LRP1B: variants seen among roughly 807,000 people sequenced by gnomAD.
LRP1B encodes the protein low-density lipoprotein receptor-related protein 1B.
LRP1B carries 217 observed loss-of-function variants against 556.6 expected under a neutral mutation model. That is an observed-to-expected ratio of 0.39 (90% CI 0.35 to 0.44). LRP1B has a LOEUF of 0.44. LRP1B is among the 20% of genes least tolerant of loss of function. The probability of loss-of-function intolerance (pLI) is 1.00; values close to 1 mark genes in which losing one functional copy is unlikely to be tolerated. For missense variants in LRP1B, 5,053 were observed against 5,620.8 expected, an observed-to-expected ratio of 0.90 and a Z score of 3.23; for synonymous variants, 2,047 against 1,865.8, an observed-to-expected ratio of 1.10 and a Z score of -2.50.
At position 141,294,087 on chromosome 2, in the gene LRP1B, G is replaced by GA. The variant is rs556017278; in HGVS notation, c.344-39447dup. Reference sequence around the variant, plus strand: ...TATGTTATATTTAGAAGTATACAGGGAAAAAAGAGACTAAACAGGTAAAGA... The same window carrying GA: ...TATGTTATATTTAGAAGTATACAGGGAAAAAAAGAGACTAAACAGGTAAAGA... On this transcript the variant is annotated intron_variant, in intron 3 of 90. Coordinates refer to ENST00000389484, the MANE Select transcript of LRP1B (RefSeq NM_018557.3). 6.0e-3 allele frequency among the ~76,000 whole-genome samples: 914 copies of GA among 152,016 alleles called. 1 individual carries two copies. The highest frequency in any genetic ancestry group is 0.01 in the Non-Finnish European group (695 of 67,940).
chr2:141,986,814 C>T (rs867109292), intron 1 of LRP1B, among the ~76,000 whole-genome samples: 1 of 151,940 alleles, frequency 6.6e-6, no homozygotes, highest in Non-Finnish European at 1.5e-5. Flanking sequence ...TGGAAATCCA[C>T]TATGAGTTTG....
rs550632661 is a variant in LRP1B at position 141,789,027 on chromosome 2, A to G, written c.205+21252T>C. 1.4e-3 allele frequency among the ~76,000 whole-genome samples: 218 copies of G among 152,160 alleles called. 1 individual carries two copies. Among genetic ancestry groups the G allele is most frequent in the African/African-American group, 5.0e-3 (206 of 41,530 alleles). On this transcript the variant is annotated intron_variant, in intron 2 of 90. Transcript: ENST00000389484. ...ATGTGTCTTTATAGCAGCATGATTT[A>G]TAATCCTTTGGGTATATACCCAGTA...
intron 20 of LRP1B, among the ~76,000 whole-genome samples, chr2:140,944,199 A>G (rs925584378): frequency 3.3e-5 from 5 of 152,088 alleles, no homozygotes; most frequent in African/African-American, 1.2e-4. Flanking sequence ...GGAAACACAC[A>G]ACTTCCTAGA....
Position 140,869,362 on chromosome 2 carries a change from C to T in LRP1B, c.4170-1099G>A, listed in dbSNP as rs552165749. Among the ~76,000 whole-genome samples, 77 of 151,976 alleles carry T rather than the reference C, an allele frequency of 5.1e-4. 1 individual carries two copies. The South Asian group carries it at 0.012, about 25-fold the overall frequency. On this transcript the variant is annotated intron_variant, in intron 25 of 90. Transcript: ENST00000389484. The stretch of plus-strand genomic sequence containing the variant: ...ATGCTCCTGCTTGCCAAGCTACATG[C>T]GGCAGGAGGAAAAGAGCTGTAACAC...
intron 2 of LRP1B, among the ~76,000 whole-genome samples, chr2:141,660,049 C>A (rs1296301708): frequency 6.6e-6 from 1 of 151,910 alleles, no homozygotes; most frequent in African/African-American, 2.4e-5. Context: ...AAAGGGCCAA[C>A]GAGAGACAGC....
chr2:140,320,904 A>G (rs563031136), intron 82 of LRP1B, among the ~76,000 whole-genome samples: 1 of 151,258 alleles, frequency 6.6e-6, no homozygotes, highest in Non-Finnish European at 1.5e-5. Flanking sequence ...CACACACACA[A>G]AATTATCCAG....
At chr2:140,798,910 C>T (rs1233709331) in intron 32 of LRP1B, among the ~76,000 whole-genome samples, 1 of 152,114 alleles carries the variant, frequency 6.6e-6, no homozygotes, top group Non-Finnish European at 1.5e-5. Flanking sequence ...AATACAGTCG[C>T]ATTATCTCCA....
chr2:140,686,328 T>C (rs777489693), intron 41 of LRP1B, among the ~76,000 whole-genome samples: 9 of 151,976 alleles, frequency 5.9e-5, no homozygotes, highest in Admixed American at 1.3e-4. Context: ...TCATGATATA[T>C]AGAAAACTCC....
chr2:141,285,267 T>G (rs2105396207), intron 3 of LRP1B, among the ~76,000 whole-genome samples: 1 of 151,016 alleles, frequency 6.6e-6, no homozygotes, highest in South Asian at 2.1e-4. Flanking sequence ...TTTTTTATTT[T>G]TAGTAGAGAC....
At chr2:141,857,740 C>G (rs868173554) in intron 1 of LRP1B, among the ~76,000 whole-genome samples, 1 of 152,120 alleles carries the variant, frequency 6.6e-6, no homozygotes, top group Non-Finnish European at 1.5e-5. Context: ...AAATAAAGTT[C>G]AAGTTCAACA....
At chr2:141,830,875 C>A (rs867078402) in intron 1 of LRP1B, among the ~76,000 whole-genome samples, 1 of 151,736 alleles carries the variant, frequency 6.6e-6, no homozygotes, top group South Asian at 2.1e-4. Context: ...AGAATTTGGT[C>A]CTGATTTACA....
chr2:141,470,312 T>C (rs543244533), intron 3 of LRP1B, among the ~76,000 whole-genome samples: 1 of 152,302 alleles, frequency 6.6e-6, no homozygotes, highest in African/African-American at 2.4e-5. Flanking sequence ...CACTAATTTT[T>C]CTCAAAGGGA....
chr2:141,869,359 CT>C (rs1369910438), intron 1 of LRP1B, among the ~76,000 whole-genome samples: 2 of 151,868 alleles, frequency 1.3e-5, no homozygotes, highest in Non-Finnish European at 2.9e-5. Flanking sequence ...ATCTGCTGTT[CT>C]CTACAATAAA....
At chr2:140,507,187 C>T (rs1015232249) in intron 52 of LRP1B, among the ~76,000 whole-genome samples, 10 of 152,012 alleles carry the variant, frequency 6.6e-5, no homozygotes, top group Non-Finnish European at 1.2e-4. Flanking sequence ...AGCCATGTAG[C>T]GATTTTAAAT....
intron 3 of LRP1B, among the ~76,000 whole-genome samples, chr2:141,312,050 T>C (rs973111551): frequency 2.6e-5 from 4 of 152,148 alleles, no homozygotes; most frequent in African/African-American, 7.2e-5. Context: ...AAAATCTGAA[T>C]CTTCTTAGAG....
At chr2:141,643,798 A>G (rs913899420) in intron 2 of LRP1B, among the ~76,000 whole-genome samples, 1 of 152,172 alleles carries the variant, frequency 6.6e-6, no homozygotes, top group Non-Finnish European at 1.5e-5. Context: ...TGTCTTCAAC[A>G]TATACTAGTC....
Position 140,777,621 on chromosome 2 carries a change from T to C in LRP1B, c.5360-1383A>G, listed in dbSNP as rs144334793. Among the ~76,000 whole-genome samples the C allele has an allele frequency of 9.1e-4, 139 of 152,270 alleles. 1 individual carries two copies. Among genetic ancestry groups the C allele is most frequent in the African/African-American group, 3.2e-3 (134 of 41,554 alleles). ...GGATCTCCAGCTCAATGGGAAATAG[T>C]AGCACAATGAAAAATAAACACTAAG... is the stretch of plus-strand genomic sequence containing the variant. On this transcript the variant is annotated intron_variant, in intron 32 of 90. Coordinates refer to ENST00000389484, the MANE Select transcript of LRP1B (RefSeq NM_018557.3).
At chr2:141,446,709 C>A (rs577178680) in intron 3 of LRP1B, among the ~76,000 whole-genome samples, 33 of 152,248 alleles carry the variant, frequency 2.2e-4, no homozygotes, top group African/African-American at 7.9e-4. Context: ...GTTGAAAATT[C>A]TTTTCTTTAA....
At chr2:141,182,497 T>C (rs1196648363) in intron 7 of LRP1B, among the ~76,000 whole-genome samples, 1 of 151,938 alleles carries the variant, frequency 6.6e-6, no homozygotes, top group Non-Finnish European at 1.5e-5. Context: ...AAATATACAC[T>C]GATAAACCAA....
Sources: allele counts gnomAD v4.1 joint callset (sites outside exome capture counted in the v4.1 genomes callset), GRCh38; gene constraint gnomAD v4.1.1; transcripts MANE v1.5; gene names NCBI Gene and HGNC (gene_info 2026-07-23, HGNC 2026-07-21).